Variants in RSU1 observed in about 807,000 individuals in gnomAD.
RSU1 encodes the protein rsu-1.
RSU1 carries 26 observed loss-of-function variants against 31.1 expected under a neutral mutation model. That is an observed-to-expected ratio of 0.84 (90% CI 0.61 to 1.16). The LOEUF is 1.16. RSU1 is among the 50% of genes most tolerant of loss of function. The pLI is 0.00. For missense variants in RSU1, 320 were observed against 339.1 expected, an observed-to-expected ratio of 0.94 and a Z score of 0.44; for synonymous variants, 164 against 136.3, an observed-to-expected ratio of 1.20 and a Z score of -1.41.
intron 2 of RSU1, among the ~76,000 whole-genome samples, chr10:16,808,065 G>A (rs1255513877): frequency 2.6e-5 from 4 of 151,396 alleles, no homozygotes; most frequent in East Asian, 3.9e-4. Context: ...AATGCCTTAC[G>A]GTAAGGCAGG....
chr10:16,812,264 A>C (rs1838424007), intron 2 of RSU1, among the ~76,000 whole-genome samples: 1 of 152,158 alleles, frequency 6.6e-6, no homozygotes, highest in African/African-American at 2.4e-5. Flanking sequence ...CAATATGGTG[A>C]AACCCCGTCT....
intron 8 of RSU1, among the ~76,000 whole-genome samples, chr10:16,669,405 C>T (rs1835064136): frequency 1.3e-5 from 2 of 151,940 alleles, no homozygotes; most frequent in African/African-American, 4.8e-5. Flanking sequence ...GCTTTTTAAC[C>T]ATTTTTCATT....
chr10:16,740,719 G>C (rs534588735), intron 7 of RSU1, among the ~76,000 whole-genome samples: 1 of 152,086 alleles, frequency 6.6e-6, no homozygotes, highest in Non-Finnish European at 1.5e-5. Context: ...ATATATAATA[G>C]CAACAAAAGT....
intron 7 of RSU1, among the ~76,000 whole-genome samples, chr10:16,746,665 CT>C (rs535857942): frequency 0.66 from 66,225 of 100,204 alleles, 21,749 homozygotes; most frequent in Non-Finnish European, 0.72. Context: ...TCCCAAATCA[CT>C]TTTTTTTTTT....
At chr10:16,728,732 A>G (rs1588498116) in intron 7 of RSU1, among the ~76,000 whole-genome samples, 1 of 152,204 alleles carries the variant, frequency 6.6e-6, no homozygotes, top group African/African-American at 2.4e-5. Flanking sequence ...AGTGGTGCTT[A>G]TAAGAGGGAT....
At chr10:16,714,906 T>TG (rs1440554470) in intron 7 of RSU1, among the ~76,000 whole-genome samples, 3 of 152,122 alleles carry the variant, frequency 2.0e-5, no homozygotes, top group African/African-American at 7.2e-5. Flanking sequence ...CAAACTGGAT[T>TG]GGGGGCCTGT....
intron 8 of RSU1, among the ~76,000 whole-genome samples, chr10:16,598,332 C>T (rs1302547787): frequency 3.3e-5 from 5 of 151,744 alleles, no homozygotes; most frequent in South Asian, 2.1e-4. Flanking sequence ...TGAGGCCAGG[C>T]GTTCACGACC....
At position 16,808,798 on chromosome 10, in the gene RSU1, C is replaced by T. The variant is rs534052725; in HGVS notation, c.109+8175G>A. On this transcript the variant is annotated intron_variant, in intron 2 of 8. Transcript: ENST00000345264. ...TTTGGAGATGGGGCCTTTAAAGAGGCGATCAGGTTAAAATGAGGTCCTTAA... is the reference window on the plus strand; with the variant it reads ...TTTGGAGATGGGGCCTTTAAAGAGGTGATCAGGTTAAAATGAGGTCCTTAA... 2.0e-4 allele frequency among the ~76,000 whole-genome samples: 31 copies of T among 152,248 alleles called. 1 individual carries two copies. In the South Asian group the frequency reaches 5.6e-3, roughly 27 times the overall value.
At chr10:16,811,067 C>A (rs373618490) in intron 2 of RSU1, among the ~76,000 whole-genome samples, 1 of 152,086 alleles carries the variant, frequency 6.6e-6, no homozygotes, top group Non-Finnish European at 1.5e-5. Flanking sequence ...AGCGGTCCCA[C>A]GAGATAACAA....
At chr10:16,640,562 A>G (rs1271871822) in intron 8 of RSU1, among the ~76,000 whole-genome samples, 2 of 152,228 alleles carry the variant, frequency 1.3e-5, no homozygotes, top group Non-Finnish European at 2.9e-5. Context: ...CCCTGCTTGC[A>G]TTCTGACCTT....
At chr10:16,722,927 T>G (rs901993684) in intron 7 of RSU1, among the ~76,000 whole-genome samples, 6 of 147,580 alleles carry the variant, frequency 4.1e-5, no homozygotes, top group South Asian at 2.1e-4. Context: ...TATGTATATA[T>G]ACACACATAT....
intron 8 of RSU1, among the ~76,000 whole-genome samples, chr10:16,599,879 G>A (rs1833687047): frequency 6.6e-6 from 1 of 152,122 alleles, no homozygotes; most frequent in Admixed American, 6.5e-5. Flanking sequence ...ACTCGGCTAT[G>A]ACAGCTGGAG....
intron 8 of RSU1, among the ~76,000 whole-genome samples, chr10:16,673,181 G>A (rs548210280): frequency 4.6e-5 from 7 of 152,310 alleles, no homozygotes; most frequent in East Asian, 1.9e-4. Context: ...CATAAGTCCC[G>A]CTGGGAGAAG....
At chr10:16,788,896 A>T (rs1837854635) in intron 2 of RSU1, among the ~76,000 whole-genome samples, 1 of 152,258 alleles carries the variant, frequency 6.6e-6, no homozygotes, top group South Asian at 2.1e-4. Flanking sequence ...TATTACCAAG[A>T]AAGATGGGTG....
At chr10:16,733,589 A>G (rs1436572763) in intron 7 of RSU1, among the ~76,000 whole-genome samples, 1 of 152,160 alleles carries the variant, frequency 6.6e-6, no homozygotes, top group East Asian at 1.9e-4. Context: ...GATCAGCGAA[A>G]ACTCTCATAG....
chr10:16,702,405 G>A (rs1201907970), intron 7 of RSU1, among the ~76,000 whole-genome samples: 1 of 152,254 alleles, frequency 6.6e-6, no homozygotes, highest in Non-Finnish European at 1.5e-5. Context: ...AAAAGCTGCA[G>A]GCACTCAACG....
At chr10:16,695,813 CA>C (rs1177146189) in intron 7 of RSU1, among the ~76,000 whole-genome samples, 2 of 152,080 alleles carry the variant, frequency 1.3e-5, no homozygotes, top group Non-Finnish European at 2.9e-5. Context: ...CTAATATGCC[CA>C]AGATCAGAAA....
intron 2 of RSU1, among the ~76,000 whole-genome samples, chr10:16,803,385 G>T (rs1838198917): frequency 6.6e-6 from 1 of 152,056 alleles, no homozygotes; most frequent in South Asian, 2.1e-4. Context: ...GATACTTCAG[G>T]TTCATGAACA....
Position 16,614,567 on chromosome 10 carries a change from G to T in RSU1, c.732-21071C>A, listed in dbSNP as rs552808614. 1.1e-4 allele frequency among the ~76,000 whole-genome samples: 16 copies of T among 152,226 alleles called. 1 individual carries two copies. The South Asian group carries it at 3.3e-3, about 32-fold the overall frequency. On this transcript the variant is annotated intron_variant, in intron 8 of 8. Coordinates refer to ENST00000345264, the MANE Select transcript of RSU1 (RefSeq NM_012425.4). ...AAAGGATAGATACCCAATATACCAA[G>T]ATGTGATTATTACACATTGCATGCC... is the stretch of plus-strand genomic sequence containing the variant.
Sources: gnomAD v4.1 joint callset for allele counts (sites outside exome capture counted in the v4.1 genomes callset) on GRCh38, gnomAD v4.1.1 for gene constraint, MANE v1.5 for transcripts, NCBI Gene and HGNC (gene_info 2026-07-23, HGNC 2026-07-21) for gene names.